NEK11: variants seen among roughly 807,000 people sequenced by gnomAD.
NEK11 encodes the protein serine/threonine-protein kinase Nek11.
Under a neutral mutation model 80.7 loss-of-function variants are expected in NEK11, and 72 were observed. That is an observed-to-expected ratio of 0.89 (90% confidence interval 0.74 to 1.08). The LOEUF is 1.08. Among genes scored for constraint, NEK11 ranks in the 50% least tolerant of loss-of-function variants. The probability of loss-of-function intolerance (pLI) is 0.00; values close to 1 mark genes in which losing one functional copy is unlikely to be tolerated. For synonymous variants in NEK11, 251 were observed against 260.7 expected (o/e 0.96, Z 0.36); for missense variants, 764 against 763.6 (o/e 1.00, Z -0.01).
At chr3:131,322,386 C>T (rs995090264) in intron 17 of NEK11, among the ~76,000 whole-genome samples, 1 of 152,138 alleles carries the variant, frequency 6.6e-6, no homozygotes, top group South Asian at 2.1e-4. Flanking sequence ...ACCTCAGCAT[C>T]ACACAATATA....
intron 16 of NEK11, among the ~76,000 whole-genome samples, chr3:131,255,743 T>C (rs763556678): frequency 2.0e-5 from 3 of 152,192 alleles, no homozygotes; most frequent in Non-Finnish European, 4.4e-5. Context: ...TGCCATACTA[T>C]GTGTTGGCCT....
At chr3:131,243,967 T>TATAG (rs2095557120) in intron 16 of NEK11, among the ~76,000 whole-genome samples, 1 of 152,076 alleles carries the variant, frequency 6.6e-6, no homozygotes, top group South Asian at 2.1e-4. Context: ...TTGCTATGCT[T>TATAG]CAGGGATAAA....
intron 15 of NEK11, 29 bp downstream of exon 15, chr3:131,228,717 G>C (rs775342047): frequency 6.2e-7 from 1 of 1,601,696 alleles, no homozygotes; most frequent in Non-Finnish European, 8.5e-7. Context: ...CGGAAGCCAT[G>C]GAACTGTTCA....
chr3:131,143,465 A>G (rs1047418845), intron 7 of NEK11, among the ~76,000 whole-genome samples: 2 of 152,014 alleles, frequency 1.3e-5, no homozygotes, highest in Admixed American at 1.3e-4. Context: ...TGGCTTTATA[A>G]TAAATTATTA....
At chr3:131,140,268 G>A (rs893980031) in intron 7 of NEK11, among the ~76,000 whole-genome samples, 14 of 152,134 alleles carry the variant, frequency 9.2e-5, no homozygotes, top group Non-Finnish European at 1.6e-4. Flanking sequence ...ACCCTGTTGT[G>A]AGGAAGCCTG....
intron 4 of NEK11, among the ~76,000 whole-genome samples, chr3:131,083,184 C>T (rs1232463821): frequency 6.6e-6 from 1 of 152,248 alleles, no homozygotes; most frequent in Non-Finnish European, 1.5e-5. Flanking sequence ...TTTCGAGAAT[C>T]ACCCATCTAA....
chr3:131,207,801 T>G (rs1008155605), intron 14 of NEK11, among the ~76,000 whole-genome samples: 5 of 152,194 alleles, frequency 3.3e-5, no homozygotes, highest in Non-Finnish European at 5.9e-5. Flanking sequence ...TTGCCCACAT[T>G]TGATGGGGTT....
chr3:131,348,338 G>A (rs1037753265), intron 17 of NEK11, among the ~76,000 whole-genome samples: 3 of 152,064 alleles, frequency 2.0e-5, no homozygotes, highest in African/African-American at 7.2e-5. Flanking sequence ...GGAACAATAT[G>A]GAGCCATTAA....
intron 3 of NEK11, among the ~76,000 whole-genome samples, chr3:131,044,739 C>T (rs2067123060): frequency 6.6e-6 from 1 of 152,048 alleles, no homozygotes. Flanking sequence ...CAGGGATATT[C>T]AGGACTTGAA....
intron 14 of NEK11, among the ~76,000 whole-genome samples, chr3:131,195,503 C>G (rs79996479): frequency 0.01 from 1,525 of 152,206 alleles, 28 homozygotes; most frequent in African/African-American, 0.034. Context: ...GCCTATCCAT[C>G]CTTCAGGCCT....
rs937674420 is a variant in NEK11 at position 131,032,153 on chromosome 3, G to C, written c.170+2275G>C. 5.2e-4 allele frequency among the ~76,000 whole-genome samples: 79 copies of C among 152,088 alleles called. 1 individual carries two copies. Among genetic ancestry groups the C allele is most frequent in the Admixed American group, 5.1e-3 (78 of 15,266 alleles). On this transcript the variant is annotated intron_variant, in intron 3 of 17. Coordinates refer to ENST00000383366, the MANE Select transcript of NEK11 (RefSeq NM_024800.5). The stretch of plus-strand genomic sequence containing the variant: ...ATTTTTGTATTTTTAGTAGAGACAG[G>C]GTTTCACCATGTTGGCCAGGCTGGT...
At chr3:131,124,057 C>A (rs2082855098) in intron 5 of NEK11, among the ~76,000 whole-genome samples, 1 of 152,074 alleles carries the variant, frequency 6.6e-6, no homozygotes, top group African/African-American at 2.4e-5. Context: ...CTTGTGGTTG[C>A]CAGAATGGCT....
rs775294622 is a variant in NEK11 at position 131,080,415 on chromosome 3, G to T, written c.171-8G>T. The T allele has an allele frequency of 4.4e-6, 7 of 1,576,832 alleles. No homozygotes were observed. Among genetic ancestry groups the T allele is most frequent in the East Asian group, 4.5e-5 (2 of 44,608 alleles). On this transcript the variant is annotated splice_region_variant and splice_polypyrimidine_tract_variant and intron_variant, in intron 3 of 17. Coordinates refer to ENST00000383366, the MANE Select transcript of NEK11 (RefSeq NM_024800.5). The stretch of plus-strand genomic sequence containing the variant: ...TCTAAATGTTTTTAAAATTTTTTTT[G>T]ATCTCAGAAAGGTACTTAAGGAAAT...
At chr3:131,140,699 T>C (rs945510548) in intron 7 of NEK11, among the ~76,000 whole-genome samples, 2 of 152,192 alleles carry the variant, frequency 1.3e-5, no homozygotes, top group Non-Finnish European at 2.9e-5. Context: ...ATAAATTGCT[T>C]AAGAGAAGTG....
At chr3:131,337,697 C>G (rs1171765748) in intron 17 of NEK11, among the ~76,000 whole-genome samples, 1 of 151,624 alleles carries the variant, frequency 6.6e-6, no homozygotes, top group Non-Finnish European at 1.5e-5. Flanking sequence ...AAGTTAATGT[C>G]TTCATTTATA....
chr3:131,076,004 G>A lies in NEK11; in HGVS notation c.171-4419G>A, dbSNP rs115770782. 3.5e-3 allele frequency among the ~76,000 whole-genome samples: 539 copies of A among 152,270 alleles called. 1 individual carries two copies. Among genetic ancestry groups the A allele is most frequent in the African/African-American group, 0.012 (508 of 41,568 alleles). On this transcript the variant is annotated intron_variant, in intron 3 of 17. Transcript: ENST00000383366. ...ACACATATATTTGCAAAATGGAGACGCCGTGCCACCTTGTTTCTTGATGCA... is the reference window on the plus strand; with the variant it reads ...ACACATATATTTGCAAAATGGAGACACCGTGCCACCTTGTTTCTTGATGCA...
chr3:131,095,394 A>G (rs2077283913), intron 4 of NEK11, among the ~76,000 whole-genome samples: 1 of 152,170 alleles, frequency 6.6e-6, no homozygotes, highest in African/African-American at 2.4e-5. Flanking sequence ...TGTTTTCAAT[A>G]GCTTTCAGGA....
chr3:131,203,759 GTGTGTGTGTATATATATA>G (rs2094339276), intron 14 of NEK11, among the ~76,000 whole-genome samples: 1 of 35,992 alleles, frequency 2.8e-5, no homozygotes, highest in African/African-American at 1.0e-4. Context: ...GTGTGTGTGT[GTGTGTGTGTATATATATA>G]TATATATATA....
At chr3:131,295,929 T>A (rs1358726485) in intron 17 of NEK11, among the ~76,000 whole-genome samples, 1 of 152,188 alleles carries the variant, frequency 6.6e-6, no homozygotes, top group Non-Finnish European at 1.5e-5. Flanking sequence ...AGCCCTGACC[T>A]CCTGGGCTCA....
Sources: allele counts gnomAD v4.1 joint callset (sites outside exome capture counted in the v4.1 genomes callset), GRCh38; gene constraint gnomAD v4.1.1; transcripts MANE v1.5; gene names NCBI Gene and HGNC (gene_info 2026-07-23, HGNC 2026-07-21).